The following SPTLC2 variants were observed in gnomAD, a reference collection of about 807,000 sequenced individuals.
SPTLC2 encodes serine palmitoyltransferase 2.
In SPTLC2, 21 loss-of-function variants were observed where a neutral mutation model predicts 62.0. That is an observed-to-expected ratio of 0.34 (90% CI 0.24 to 0.49). SPTLC2 has a LOEUF of 0.49. Among genes scored for constraint, SPTLC2 ranks in the 20% least tolerant of loss-of-function variants. SPTLC2 has a pLI of 0.99. For missense variants in SPTLC2, 511 were observed against 713.0 expected (o/e 0.72, Z 3.23); for synonymous variants, 261 against 261.8 (o/e 1.00, Z 0.03).
chr14:77,588,996 CAAAAAAAAAAAAAAAAAAAAA>C (rs60536883), intron 2 of SPTLC2, among the ~76,000 whole-genome samples: 1 of 74,628 alleles, frequency 1.3e-5, no homozygotes, highest in Non-Finnish European at 2.4e-5. Flanking sequence ...GACCTTGTCT[CAAAAAAAAAAAAAAAAAAAAA>C]AAAAAAAAAA....
At chr14:77,602,992 A>G (rs2079886356) in intron 1 of SPTLC2, among the ~76,000 whole-genome samples, 1 of 152,212 alleles carries the variant, frequency 6.6e-6, no homozygotes. Context: ...TTTTTTAAAA[A>G]TAATTAAAAT....
At chr14:77,538,705 G>C (rs1594977686) in intron 9 of SPTLC2, among the ~76,000 whole-genome samples, 2 of 152,170 alleles carry the variant, frequency 1.3e-5, no homozygotes, top group South Asian at 4.2e-4. Context: ...CAAGTAGCTG[G>C]GATTACAGGC....
intron 5 of SPTLC2, among the ~76,000 whole-genome samples, chr14:77,566,978 CTT>C (rs72184678): frequency 0.082 from 12,238 of 149,714 alleles, 561 homozygotes; most frequent in African/African-American, 0.12. Context: ...GAATATAAAT[CTT>C]TTTTTTTTGA....
chr14:77,587,594 C>T (rs375125880), intron 2 of SPTLC2, among the ~76,000 whole-genome samples: 4 of 151,818 alleles, frequency 2.6e-5, no homozygotes, highest in African/African-American at 9.7e-5. Context: ...TGGCGAAACC[C>T]GTCTCTACTA....
chr14:77,573,327 G>A (rs976892739), intron 4 of SPTLC2, among the ~76,000 whole-genome samples: 12 of 152,224 alleles, frequency 7.9e-5, no homozygotes, highest in African/African-American at 2.9e-4. Context: ...ATAGCTAGAC[G>A]AGAGGACTTG....
chr14:77,527,492 A>G (rs1453649786), intron 9 of SPTLC2, among the ~76,000 whole-genome samples: 1 of 152,186 alleles, frequency 6.6e-6, no homozygotes, highest in Non-Finnish European at 1.5e-5. Context: ...ACAGAATTAG[A>G]TTTAGGGAAC....
chr14:77,525,401 G>C (rs1339307395), intron 9 of SPTLC2, among the ~76,000 whole-genome samples: 1 of 151,446 alleles, frequency 6.6e-6, no homozygotes, highest in East Asian at 2.0e-4. Flanking sequence ...AGAGTAGCCT[G>C]ACCAAATGGA....
At chr14:77,582,235 G>T (rs1396908636) in intron 2 of SPTLC2, among the ~76,000 whole-genome samples, 1 of 151,776 alleles carries the variant, frequency 6.6e-6, no homozygotes, top group Non-Finnish European at 1.5e-5. Context: ...GTATTTTTTA[G>T]CAGAGACAGT....
At chr14:77,537,745 C>A (rs1468780542) in intron 9 of SPTLC2, among the ~76,000 whole-genome samples, 1 of 152,180 alleles carries the variant, frequency 6.6e-6, no homozygotes, top group East Asian at 1.9e-4. Context: ...CTTAACCTCT[C>A]AGCTTCCCCC....
Position 77,506,867 on chromosome 14 carries a change from A to G in SPTLC2, c.*5417T>C, listed in dbSNP as rs1347599659. The G allele has an allele frequency of 6.6e-6, 1 of 152,260 alleles. No homozygotes were observed. Among genetic ancestry groups the G allele is most frequent in the Non-Finnish European group, 1.5e-5 (1 of 68,060 alleles). 9.4% of individuals were successfully genotyped at this position (152,260 alleles called of 1,614,324 possible). A position where few individuals can be genotyped will look rare whatever the true frequency, so the allele number is the denominator to read the frequency against. On this transcript the variant is annotated 3_prime_UTR_variant, in exon 12 of 12. Transcript: ENST00000216484. ...ATTCAAGCTCCCCTCAAGTGCTCCA[A>G]AAGAACAGAGCTTTGGGTATTGCTT...
intron 2 of SPTLC2, among the ~76,000 whole-genome samples, chr14:77,591,909 G>A (rs563769465): frequency 1.1e-4 from 16 of 152,004 alleles, no homozygotes; most frequent in Admixed American, 2.0e-4. Flanking sequence ...ATTTTTAGTA[G>A]AGACCGGGTT....
chr14:77,558,325 C>T (rs1205097866), intron 6 of SPTLC2, among the ~76,000 whole-genome samples: 2 of 178 alleles, frequency 0.011, no homozygotes, highest in African/African-American at 0.019. Context: ...GGATTACAGG[C>T]GTGAGCACCA....
intron 4 of SPTLC2, 72 bp from the exon 5 acceptor site, chr14:77,570,580 A>G (rs532899099): frequency 1.1e-4 from 174 of 1,536,056 alleles, no homozygotes; most frequent in Non-Finnish European, 1.5e-4. Context: ...CTTTATTAAA[A>G]GAAATCATAG....
chr14:77,564,687 A>G (rs180861527), intron 5 of SPTLC2, among the ~76,000 whole-genome samples: 12 of 152,058 alleles, frequency 7.9e-5, no homozygotes, highest in African/African-American at 1.5e-4. Context: ...GCCAGAAAGT[A>G]TAAGAATGCT....
At chr14:77,582,815 AGGGACTTAC>A (rs1212829320) in intron 2 of SPTLC2, among the ~76,000 whole-genome samples, 1 of 152,196 alleles carries the variant, frequency 6.6e-6, no homozygotes, top group Non-Finnish European at 1.5e-5. Context: ...GGTAGGAGAG[AGGGACTTAC>A]GGCCGAAATC....
chr14:77,570,506 T>C lies in SPTLC2; in HGVS notation c.634A>G (p.Asn212Asp), dbSNP rs1335274746. Residue 212 changes from asparagine (N) to aspartate (D), a missense_variant and splice_region_variant, in exon 5 of 12, where the codon AAC (asparagine) becomes GAC (aspartate). Transcript: ENST00000216484. ...GVCSTRQEIG[N>D]LDKHEELEEL... ...TCTAGTTCTTCATGCTTGTCCAGGT[T>C]TCCTGTGTGAAGAAGTTAATAAAGT... The C allele has an allele frequency of 1.9e-6, 3 of 1,613,712 alleles. No homozygotes were observed. The highest frequency in any genetic ancestry group is 1.7e-6 in the Non-Finnish European group (2 of 1,179,936).
intron 9 of SPTLC2, among the ~76,000 whole-genome samples, chr14:77,531,674 G>A (rs933491561): frequency 6.6e-6 from 1 of 151,826 alleles, no homozygotes; most frequent in African/African-American, 2.4e-5. Flanking sequence ...CACCATGCCC[G>A]GCTAATTTTG....
At chr14:77,529,721 C>T (rs1250793304) in intron 9 of SPTLC2, among the ~76,000 whole-genome samples, 1 of 144,664 alleles carries the variant, frequency 6.9e-6, no homozygotes, top group Non-Finnish European at 1.5e-5. Context: ...CTCCTGGATT[C>T]AAGAGATTCT....
At chr14:77,556,048 C>T (rs143907463) in intron 7 of SPTLC2, among the ~76,000 whole-genome samples, 125 of 151,790 alleles carry the variant, frequency 8.2e-4, no homozygotes, top group Middle Eastern at 6.8e-3. Context: ...ACTGGCTGGG[C>T]GCGGTGGCTC....
Sources: allele counts gnomAD v4.1 joint callset (sites outside exome capture counted in the v4.1 genomes callset), GRCh38; gene constraint gnomAD v4.1.1; transcripts MANE v1.5; gene names NCBI Gene and HGNC (gene_info 2026-07-23, HGNC 2026-07-21).